The following ARL13B variants were observed in gnomAD, a reference collection of about 807,000 sequenced individuals.
ARL13B encodes ARF like GTPase 13B.
ARL13B carries 36 observed loss-of-function variants against 56.1 expected under a neutral mutation model. The observed-to-expected ratio is 0.64, with a 90% CI of 0.49 to 0.85. The LOEUF (loss-of-function observed/expected upper bound fraction) is 0.85. Ranked by LOEUF, ARL13B falls within the 40% of genes least tolerant of loss-of-function variation. The probability of loss-of-function intolerance (pLI) is 0.00; values close to 1 mark genes in which losing one functional copy is unlikely to be tolerated. For synonymous variants in ARL13B, 178 were observed against 171.1 expected (o/e 1.04, Z -0.32); for missense variants, 519 against 507.1 (o/e 1.02, Z -0.23).
intron 3 of ARL13B, among the ~76,000 whole-genome samples, chr3:94,030,132 A>T (rs201106377): frequency 7.4e-4 from 112 of 152,228 alleles, no homozygotes; most frequent in African/African-American, 2.6e-3. Context: ...GGTTACCTAT[A>T]AGGGAAGGGA....
intron 8 of ARL13B, 126 bp from the exon 9 acceptor site, chr3:94,050,698 G>T (rs1037280125): frequency 4.5e-5 from 35 of 773,556 alleles, no homozygotes; most frequent in Non-Finnish European, 7.0e-5. Flanking sequence ...TTTCCATACT[G>T]TCATTCAATA....
intron 3 of ARL13B, among the ~76,000 whole-genome samples, chr3:94,017,833 T>C (rs1180497562): frequency 6.6e-6 from 1 of 152,096 alleles, no homozygotes; most frequent in Non-Finnish European, 1.5e-5. Context: ...GAGACTGATA[T>C]GTTTTAGGAA....
Position 94,055,316 on chromosome 3 carries a change from A to T in ARL13B, c.*2053A>T. The T allele has an allele frequency of 2.4e-6, 1 of 422,698 alleles. No homozygotes were observed. Among genetic ancestry groups the T allele is most frequent in the South Asian group, 1.7e-5 (1 of 57,228 alleles). The allele number at this position is 422,698 out of a possible 1,614,324, so 26.2% of individuals were successfully genotyped here. A position where few individuals can be genotyped will look rare whatever the true frequency, so the allele number is the denominator to read the frequency against. ...TCTTTTCAATTGGTAGATTTAAATG[A>T]TTTCCTTTGGGTAATAAAATAGGTA... On this transcript the variant is annotated 3_prime_UTR_variant, in exon 10 of 10. Coordinates refer to ENST00000394222, the MANE Select transcript of ARL13B (RefSeq NM_001174150.2).
chr3:94,002,172 A>T (rs987523200), intron 2 of ARL13B, among the ~76,000 whole-genome samples: 1 of 152,176 alleles, frequency 6.6e-6, no homozygotes, highest in African/African-American at 2.4e-5. Context: ...GGTGTTGTTC[A>T]GTAGAACTTT....
chr3:94,006,426 A>C (rs2076136521), intron 3 of ARL13B, among the ~76,000 whole-genome samples: 1 of 152,026 alleles, frequency 6.6e-6, no homozygotes. Flanking sequence ...CTTGCAATTA[A>C]TTTCTCTTAT....
chr3:94,050,785 G>T (rs756855876), intron 8 of ARL13B, 39 bp from the exon 9 acceptor site: 1 of 1,574,024 alleles, frequency 6.4e-7, no homozygotes, highest in Non-Finnish European at 8.7e-7. Context: ...AAGAAACCTT[G>T]TTTAACAGTG....
At chr3:94,051,028 G>T (rs1427286265) in intron 9 of ARL13B, 136 bp downstream of exon 9, 1 of 718,814 alleles carries the variant, frequency 1.4e-6, no homozygotes, top group South Asian at 1.9e-5. Context: ...TTCATTATAC[G>T]TCTTTTTTCA....
chr3:94,036,735 C>G lies in ARL13B; in HGVS notation c.670C>G (p.Arg224Gly). 1.2e-6 allele frequency: 2 copies of G among 1,611,570 alleles called. No homozygotes were observed. The highest frequency in any genetic ancestry group is 1.7e-6 in the Non-Finnish European group (2 of 1,178,664). The change falls in exon 5 of 10, where the codon CGA (arginine) becomes GGA (glycine). Residue 224 changes from arginine (R) to glycine (G), a missense_variant. Transcript: ENST00000394222. ...QEKQERAERV[R>G]KLREERKQNE... ...GAAACAAGAAAGAGCTGAACGAGTG[C>G]GAAAATTACGAGAAGAAAGGTAAGT...
rs958145324 is a variant in ARL13B at position 94,015,317 on chromosome 3, A to C, written c.380+11409A>C. 4 of 1,476,480 alleles carry C rather than the reference A, an allele frequency of 2.7e-6. No individual in the cohort carries two copies. In the African/African-American group the frequency reaches 5.6e-5, roughly 21 times the overall value. The allele number at this position is 1,476,480 out of a possible 1,614,324, so 91.5% of individuals were successfully genotyped here. ...AAAAATTTTTGTGTTGAACAAGTAG[A>C]AATTTGGTATTTTTCCCCAGTAGCA... On this transcript the variant is annotated intron_variant, in intron 3 of 9. Transcript: ENST00000394222.
chr3:93,995,348 G>A (rs1422197974), intron 1 of ARL13B, among the ~76,000 whole-genome samples: 1 of 151,732 alleles, frequency 6.6e-6, no homozygotes, highest in East Asian at 1.9e-4. Context: ...GTGGAGTTTA[G>A]CTGTATCATG....
chr3:93,993,029 G>A (rs530062443), intron 1 of ARL13B, among the ~76,000 whole-genome samples: 75 of 149,440 alleles, frequency 5.0e-4, no homozygotes, highest in African/African-American at 1.6e-3. Context: ...AGTCTCGAAC[G>A]CCTGAGCTCG....
At chr3:93,985,750 T>G (rs1046613087) in intron 1 of ARL13B, among the ~76,000 whole-genome samples, 1 of 152,204 alleles carries the variant, frequency 6.6e-6, no homozygotes, top group African/African-American at 2.4e-5. Context: ...TCTCCCACCA[T>G]TCTTCCACAG....
At chr3:94,052,995 T>C (rs879691941) in intron 9 of ARL13B, among the ~76,000 whole-genome samples, 192 bp from the exon 10 acceptor site, 2 of 152,132 alleles carry the variant, frequency 1.3e-5, no homozygotes, top group South Asian at 2.1e-4. Flanking sequence ...CAGGATGGAA[T>C]GTTGGTGCCA....
At chr3:94,000,306 C>A (rs1268267807) in intron 2 of ARL13B, among the ~76,000 whole-genome samples, 1 of 152,130 alleles carries the variant, frequency 6.6e-6, no homozygotes, top group Admixed American at 6.6e-5. Flanking sequence ...AACAACACAT[C>A]ACTGGCTAGC....
Position 94,012,901 on chromosome 3 carries a change from G to A in ARL13B, c.380+8993G>A, listed in dbSNP as rs190340634. Among the ~76,000 whole-genome samples, 339 of 152,194 alleles carry A rather than the reference G, an allele frequency of 2.2e-3. 2 individuals are homozygous for A. Among genetic ancestry groups the A allele is most frequent in the Non-Finnish European group, 4.1e-3 (281 of 68,000 alleles). ...TGGTAGATAGAATGATCTTTTTCAA[G>A]TGTAAATTATATAATATTACTATTA... On this transcript the variant is annotated intron_variant, in intron 3 of 9. Transcript: ENST00000394222.
chr3:94,035,785 T>C (rs2076757467), intron 4 of ARL13B, among the ~76,000 whole-genome samples: 1 of 152,110 alleles, frequency 6.6e-6, no homozygotes, highest in Non-Finnish European at 1.5e-5. Context: ...TTTGAAAAAT[T>C]ATTTTGCTGG....
In ARL13B at chr3:94,018,593, C is replaced by A. The variant is rs79776532; in HGVS notation, c.380+14685C>A. ...TAAATGCTGTTTGTAAGCTGATGACCCAAATTTGTATCTCCAGTTTAGGTT... is the reference window on the plus strand; with the variant it reads ...TAAATGCTGTTTGTAAGCTGATGACACAAATTTGTATCTCCAGTTTAGGTT... On this transcript the variant is annotated intron_variant, in intron 3 of 9. Transcript: ENST00000394222. Among the ~76,000 whole-genome samples the A allele has an allele frequency of 5.8e-3, 879 of 152,006 alleles. 6 individuals are homozygous for A. Among genetic ancestry groups the A allele is most frequent in the African/African-American group, 0.02 (831 of 41,440 alleles).
At chr3:93,999,628 T>C (rs553354620) in intron 2 of ARL13B, among the ~76,000 whole-genome samples, 114 of 152,324 alleles carry the variant, frequency 7.5e-4, no homozygotes, top group African/African-American at 2.7e-3. Context: ...GACTATAGTC[T>C]GCCTGTTGTG....
intron 3 of ARL13B, among the ~76,000 whole-genome samples, chr3:94,019,753 G>A (rs1159745039): frequency 6.6e-6 from 1 of 152,088 alleles, no homozygotes; most frequent in African/African-American, 2.4e-5. Flanking sequence ...TTACCCCTCC[G>A]ACCTCACCTC....
Sources: allele counts gnomAD v4.1 joint callset (sites outside exome capture counted in the v4.1 genomes callset), GRCh38; gene constraint gnomAD v4.1.1; transcripts MANE v1.5; gene names NCBI Gene and HGNC (gene_info 2026-07-23, HGNC 2026-07-21).